The following TRPS1 variants were observed in gnomAD, a reference collection of about 807,000 sequenced individuals.
TRPS1 encodes zinc finger transcription factor Trps1.
Under a neutral mutation model 101.2 loss-of-function variants are expected in TRPS1, and 6 were observed. The observed-to-expected ratio is 0.06, with a 90% confidence interval of 0.03 to 0.12. The LOEUF (loss-of-function observed/expected upper bound fraction) is 0.12. Among genes scored for constraint, TRPS1 ranks in the 10% least tolerant of loss-of-function variants. TRPS1 has a pLI of 1.00. For synonymous variants in TRPS1, 578 were observed against 589.8 expected (o/e 0.98, Z 0.29); for missense variants, 1,363 against 1,567.0 (o/e 0.87, Z 2.20).
intron 1 of TRPS1, chr8:115,637,314 G>A (rs1818793060): frequency 1.0e-6 from 1 of 985,262 alleles, no homozygotes; most frequent in South Asian, 4.7e-5. Context: ...GAGAAAGCAG[G>A]AAGCCACTTG....
intron 1 of TRPS1, 89 bp from the exon 2 acceptor site, chr8:115,623,847 G>A: frequency 1.6e-6 from 2 of 1,217,606 alleles, no homozygotes; most frequent in African/African-American, 1.5e-5. Context: ...TAATATGCTG[G>A]CATCATAGGC....
intron 5 of TRPS1, among the ~76,000 whole-genome samples, chr8:115,466,469 C>T (rs1814321891): frequency 6.6e-6 from 1 of 152,078 alleles, no homozygotes; most frequent in African/African-American, 2.4e-5. Context: ...TTAATGCAAA[C>T]TCTACAGTAA....
intron 5 of TRPS1, among the ~76,000 whole-genome samples, chr8:115,457,293 T>C (rs1814054169): frequency 6.6e-6 from 1 of 152,138 alleles, no homozygotes; most frequent in Non-Finnish European, 1.5e-5. Flanking sequence ...TGAAAAAATA[T>C]CCAACATACG....
chr8:115,522,222 C>T (rs928730202), intron 5 of TRPS1, among the ~76,000 whole-genome samples: 1 of 151,808 alleles, frequency 6.6e-6, no homozygotes. Flanking sequence ...AGTACTTTTT[C>T]CCACAATAAT....
chr8:115,619,631 G>C lies in TRPS1; in HGVS notation c.467C>G (p.Pro156Arg), dbSNP rs750118960. 3.7e-6 allele frequency: 6 copies of C among 1,614,166 alleles called. No individual in the cohort carries two copies. The highest frequency in any genetic ancestry group is 5.1e-6 in the Non-Finnish European group (6 of 1,180,038). Residue 156 changes from proline (P) to arginine (R), a missense_variant, in exon 3 of 7, where the codon CCC (proline) becomes CGC (arginine). This residue lies in a region of TRPS1 where 1,020 missense variants were observed against 1,073.0 expected (regional missense o/e 0.95). Transcript: ENST00000395715. ...CTTTGTCTCCAGTGAGTCCCCTGAG[G>C]GGGTGCAGGCCATATCTTGAGGGTC... is the stretch of plus-strand genomic sequence containing the variant. ...ADDPQDMACT[P>R]SGDSLETKED...
At chr8:115,555,645 C>G (rs186962413) in intron 5 of TRPS1, among the ~76,000 whole-genome samples, 1 of 151,988 alleles carries the variant, frequency 6.6e-6, no homozygotes, top group African/African-American at 2.4e-5. Context: ...TATATTTCCA[C>G]TATGCAAGCC....
chr8:115,648,491 T>G (rs1997585), intron 1 of TRPS1, among the ~76,000 whole-genome samples: 4 of 152,200 alleles, frequency 2.6e-5, no homozygotes, highest in Non-Finnish European at 4.4e-5. Flanking sequence ...CAGCTCCTGT[T>G]GTGTCGCCGC....
chr8:115,408,958 G>T lies in TRPS1; in HGVS notation c.*5065C>A, dbSNP rs1812719028. The T allele has an allele frequency of 6.6e-6, 1 of 151,898 alleles. No individual in the cohort carries two copies. Among genetic ancestry groups the T allele is most frequent in the African/African-American group, 2.4e-5 (1 of 41,218 alleles). The allele number at this position is 151,898 out of a possible 1,614,324, so 9.4% of individuals were successfully genotyped here. ...ATTTTATCAGCCTAGTAATAGTTTT[G>T]CATCTTCATAGTCAACACTATTGGC... On this transcript the variant is annotated 3_prime_UTR_variant, in exon 7 of 7. Transcript: ENST00000395715.
At chr8:115,584,650 G>T in intron 5 of TRPS1, among the ~76,000 whole-genome samples, 3 of 146,766 alleles carry the variant, frequency 2.0e-5, no homozygotes. Context: ...TTCTACCACT[G>T]GTAGGGTAAT....
Position 115,623,897 on chromosome 8 carries a change from G to T in TRPS1, c.-121-139C>A, listed in dbSNP as rs974471819. The T allele has an allele frequency of 6.1e-5, 42 of 686,142 alleles. No individual in the cohort carries two copies. In the Admixed American group the frequency reaches 1.2e-3, roughly 20 times the overall value. The allele number at this position is 686,142 out of a possible 1,614,324, so 42.5% of individuals were successfully genotyped here. On this transcript the variant is annotated intron_variant, in intron 1 of 6. Coordinates refer to ENST00000395715, the MANE Select transcript of TRPS1 (RefSeq NM_014112.5). ...AAAAGCATGAGCAAATCTGGAGCAA[G>T]ATCCTCTCCCTCCCCAGGGTTTTAA...
intron 5 of TRPS1, among the ~76,000 whole-genome samples, chr8:115,490,700 T>C (rs1408783679): frequency 6.6e-6 from 1 of 152,218 alleles, no homozygotes; most frequent in Non-Finnish European, 1.5e-5. Context: ...TCGATTGTCT[T>C]AGACCACAGA....
chr8:115,567,558 A>G (rs1483250367), intron 5 of TRPS1, among the ~76,000 whole-genome samples: 1 of 152,124 alleles, frequency 6.6e-6, no homozygotes, highest in African/African-American at 2.4e-5. Context: ...GATTCAAGAC[A>G]AAGGCAAGAA....
chr8:115,590,871 C>T (rs981366352), intron 4 of TRPS1, among the ~76,000 whole-genome samples: 2 of 152,034 alleles, frequency 1.3e-5, no homozygotes, highest in African/African-American at 4.8e-5. Flanking sequence ...TGTGAATCCA[C>T]ATTCCGTACT....
In TRPS1 at chr8:115,533,436, G is replaced by GTTTTTTTTTTTTTTTTT. The variant is rs1161916592; in HGVS notation, c.2700+53548_2700+53564dup. The stretch of plus-strand genomic sequence containing the variant: ...GGGGCCCGCTTCCCACATGTAATCT[G>GTTTTTTTTTTTTTTTTT]TTTTTTTTTTTTTTTTTTTTTTTCC... On this transcript the variant is annotated intron_variant, in intron 5 of 6. Coordinates refer to ENST00000395715, the MANE Select transcript of TRPS1 (RefSeq NM_014112.5). Among the ~76,000 whole-genome samples the GTTTTTTTTTTTTTTTTT allele has an allele frequency of 8.6e-4, 30 of 34,996 alleles. 7 individuals carry two copies. Among genetic ancestry groups the GTTTTTTTTTTTTTTTTT allele is most frequent in the East Asian group, 3.2e-3 (3 of 928 alleles). 23.0% of individuals were successfully genotyped at this position (34,996 alleles called of 152,430 possible). A position where few individuals can be genotyped will look rare whatever the true frequency, so the allele number is the denominator to read the frequency against.
chr8:115,488,260 G>A (rs1332770490), intron 5 of TRPS1, among the ~76,000 whole-genome samples: 2 of 152,172 alleles, frequency 1.3e-5, no homozygotes, highest in Admixed American at 1.3e-4. Flanking sequence ...GTACACTACA[G>A]TATAATGTAA....
chr8:115,534,486 T>C (rs1044796050), intron 5 of TRPS1, among the ~76,000 whole-genome samples: 2 of 152,224 alleles, frequency 1.3e-5, no homozygotes, highest in African/African-American at 4.8e-5. Context: ...AGGTTGAAGC[T>C]CTAACCTCAA....
chr8:115,535,497 GCA>G (rs1816292327), intron 5 of TRPS1, among the ~76,000 whole-genome samples: 1 of 145,346 alleles, frequency 6.9e-6, no homozygotes, highest in African/African-American at 2.6e-5. Context: ...CATATATATA[GCA>G]TATATATAGC....
intron 1 of TRPS1, among the ~76,000 whole-genome samples, chr8:115,656,600 T>G (rs1217105672): frequency 6.6e-6 from 1 of 152,146 alleles, no homozygotes; most frequent in Non-Finnish European, 1.5e-5. Flanking sequence ...ATTCATAATT[T>G]TCAACTAATC....
At position 115,411,268 on chromosome 8, in the gene TRPS1, CTA is replaced by C. The variant is rs1422454775; in HGVS notation, c.*2753_*2754del. 6.6e-6 allele frequency: 1 copy of C among 151,674 alleles called. No individual in the cohort carries two copies. The highest frequency in any genetic ancestry group is 2.4e-5 in the African/African-American group (1 of 41,162). The allele number at this position is 151,674 out of a possible 1,614,324, so 9.4% of individuals were successfully genotyped here. On this transcript the variant is annotated 3_prime_UTR_variant, in exon 7 of 7. Transcript: ENST00000395715. ...TATTTTCCAATGCTAGTCGTTACTA[CTA>C]TGTCTGTCTGAGAAAAAAAAAAAAT...
Sources: allele counts gnomAD v4.1 joint callset (sites outside exome capture counted in the v4.1 genomes callset), GRCh38; gene constraint gnomAD v4.1.1; regional missense constraint gnomAD v4.1.1; transcripts MANE v1.5; gene names NCBI Gene and HGNC (gene_info 2026-07-23, HGNC 2026-07-21).